FARP1: variants seen among roughly 807,000 people sequenced by gnomAD.
FARP1 encodes the protein FERM, ARHGEF and pleckstrin domain-containing protein 1.
Under a neutral mutation model 128.8 loss-of-function variants are expected in FARP1, and 52 were observed. That is an observed-to-expected ratio of 0.40 (90% confidence interval 0.32 to 0.51). The LOEUF is 0.51. Ranked by LOEUF, FARP1 falls within the 20% of genes least tolerant of loss-of-function variation. The pLI, the probability that FARP1 is intolerant of heterozygous loss-of-function variation, is 0.45. For missense variants in FARP1, 1,333 were observed against 1,367.9 expected (o/e 0.97, Z 0.40); for synonymous variants, 580 against 551.8 (o/e 1.05, Z -0.72).
rs139022131 is a variant in FARP1 at position 98,444,694 on chromosome 13, G to A, written c.2797-1404G>A. On this transcript the variant is annotated intron_variant, in intron 24 of 26. Transcript: ENST00000319562. ...TATTGGAATGGCCAGGCAGAAGCTA[G>A]AGAGCGCTAAGGAAGCTGCTTTGGA... Among the ~76,000 whole-genome samples, 185 of 152,350 alleles carry A rather than the reference G, an allele frequency of 1.2e-3. 1 individual carries two copies. Among genetic ancestry groups the A allele is most frequent in the African/African-American group, 4.3e-3 (180 of 41,572 alleles).
Position 98,417,455 on chromosome 13 carries a change from G to GGGAAAAAAAAAAAAAAAA in FARP1, c.1826+5421_1826+5422insGGAAAAAAAAAAAAAAAA, listed in dbSNP as rs1491453247. 4.6e-4 allele frequency among the ~76,000 whole-genome samples: 27 copies of GGGAAAAAAAAAAAAAAAA among 58,480 alleles called. 1 individual carries two copies. Among genetic ancestry groups the GGGAAAAAAAAAAAAAAAA allele is most frequent in the African/African-American group, 9.2e-4 (16 of 17,468 alleles). 38.4% of individuals were successfully genotyped at this position (58,480 alleles called of 152,430 possible). ...AGGAAACAGAGGCCACCAGAGGTTTGAAAAAAAAAAAAAAAAAAAAAAAAA... is the reference window on the plus strand; with the variant it reads ...AGGAAACAGAGGCCACCAGAGGTTTGGGAAAAAAAAAAAAAAAAAAAAAAAAAAAAAAAAAAAAAAAAA... On this transcript the variant is annotated intron_variant, in intron 16 of 26. Coordinates refer to ENST00000319562, the MANE Select transcript of FARP1 (RefSeq NM_005766.4).
At chr13:98,420,801 C>G in intron 16 of FARP1, among the ~76,000 whole-genome samples, 1 of 152,138 alleles carries the variant, frequency 6.6e-6, no homozygotes, top group East Asian at 1.9e-4. Context: ...TTTTCATGTT[C>G]TTGATAATAC....
intron 2 of FARP1, among the ~76,000 whole-genome samples, chr13:98,308,401 C>T (rs958182309): frequency 2.6e-5 from 4 of 152,000 alleles, no homozygotes; most frequent in African/African-American, 4.8e-5. Context: ...GACTGACAAA[C>T]GTGGTACCCC....
At chr13:98,173,808 G>C (rs1405482286) in intron 1 of FARP1, among the ~76,000 whole-genome samples, 1 of 152,196 alleles carries the variant, frequency 6.6e-6, no homozygotes, top group Admixed American at 6.5e-5. Context: ...GGTAACCACG[G>C]TGCTAACTTT....
intron 2 of FARP1, among the ~76,000 whole-genome samples, chr13:98,230,571 A>G (rs2139401525): frequency 6.6e-6 from 1 of 152,318 alleles, no homozygotes; most frequent in African/African-American, 2.4e-5. Context: ...GCAGCTCACC[A>G]TGGTCAAAGA....
intron 16 of FARP1, among the ~76,000 whole-genome samples, chr13:98,422,679 G>T (rs745953532): frequency 7.2e-5 from 11 of 152,158 alleles, no homozygotes; most frequent in Admixed American, 1.3e-4. Flanking sequence ...TTCTACTCAC[G>T]ATGACTTTTC....
intron 13 of FARP1, chr13:98,395,732 C>A: frequency 2.3e-6 from 1 of 427,870 alleles, no homozygotes; most frequent in South Asian, 8.7e-5. Context: ...CGGCCTCCTT[C>A]CGGAGAATTC....
rs1441563501 is a variant in FARP1, at chr13:98,440,168, C to A, written c.2562C>A (p.Ala854=). ...AGTGGGTTGAGGACATCCAGATGGC[C>A]ATTGACCTGGCGGAGAAGAGCAGCA... ...MEKWVEDIQM[A]IDLAEKSSSP... Residue 854 remains alanine, a synonymous_variant, in exon 23 of 27, where the codon GCC becomes GCA. Transcript: ENST00000319562. 6.2e-7 allele frequency: 1 copy of A among 1,614,078 alleles called. No individual in the cohort carries two copies. Among genetic ancestry groups the A allele is most frequent in the Admixed American group, 1.7e-5 (1 of 60,026 alleles).
At chr13:98,278,459 G>A (rs1884777406) in intron 2 of FARP1, among the ~76,000 whole-genome samples, 1 of 152,100 alleles carries the variant, frequency 6.6e-6, no homozygotes. Context: ...AGACAGTGTT[G>A]CAAGTGTGTG....
chr13:98,197,366 T>C (rs1008434912), intron 1 of FARP1, among the ~76,000 whole-genome samples: 6 of 151,910 alleles, frequency 3.9e-5, no homozygotes, highest in Non-Finnish European at 8.8e-5. Context: ...CTCGGGAGGC[T>C]GAGGCAGGAG....
At chr13:98,183,354 T>C (rs957872361) in intron 1 of FARP1, among the ~76,000 whole-genome samples, 3 of 152,204 alleles carry the variant, frequency 2.0e-5, no homozygotes, top group African/African-American at 4.8e-5. Flanking sequence ...CTGTCAGTTC[T>C]TTGGAACTTC....
chr13:98,312,135 C>CCTTTTTT (rs1886488751), intron 2 of FARP1, among the ~76,000 whole-genome samples: 2 of 86,120 alleles, frequency 2.3e-5, no homozygotes, highest in Non-Finnish European at 4.1e-5. Flanking sequence ...GTGGTAACTG[C>CCTTTTTT]TTTTTTTTTT....
intron 2 of FARP1, among the ~76,000 whole-genome samples, chr13:98,230,731 CAA>C (rs1288014104): frequency 1.3e-5 from 2 of 152,080 alleles, no homozygotes; most frequent in Admixed American, 1.3e-4. Flanking sequence ...TAACGAGTCT[CAA>C]AGAGGAAGGA....
intron 2 of FARP1, among the ~76,000 whole-genome samples, chr13:98,310,459 C>T (rs7334673): frequency 0.03 from 4,596 of 152,268 alleles, 198 homozygotes; most frequent in African/African-American, 0.095. Flanking sequence ...GCCCAGAGCA[C>T]ATTAGATTGA....
intron 5 of FARP1, among the ~76,000 whole-genome samples, chr13:98,368,709 A>G (rs1275241935): frequency 1.3e-5 from 2 of 152,240 alleles, no homozygotes; most frequent in East Asian, 3.9e-4. Context: ...TACTTCCCCT[A>G]TTACAGTGTG....
At chr13:98,372,071 C>T (rs1241352761) in intron 5 of FARP1, among the ~76,000 whole-genome samples, 1 of 147,532 alleles carries the variant, frequency 6.8e-6, no homozygotes, top group African/African-American at 2.5e-5. Context: ...AAAAGATGAT[C>T]CCAGTTTTTC....
At chr13:98,181,143 G>A (rs1273490325) in intron 1 of FARP1, among the ~76,000 whole-genome samples, 2 of 151,898 alleles carry the variant, frequency 1.3e-5, no homozygotes, top group African/African-American at 2.4e-5. Context: ...GAGTATGGCC[G>A]TTTCATTGCA....
At chr13:98,197,869 T>C (rs1254241108) in intron 1 of FARP1, among the ~76,000 whole-genome samples, 2 of 151,976 alleles carry the variant, frequency 1.3e-5, no homozygotes, top group East Asian at 1.9e-4. Context: ...TCTCCTGACC[T>C]CGTGATCCGT....
chr13:98,260,158 G>A (rs1354008820), intron 2 of FARP1, among the ~76,000 whole-genome samples: 1 of 151,998 alleles, frequency 6.6e-6, no homozygotes, highest in Non-Finnish European at 1.5e-5. Flanking sequence ...ACACACACAC[G>A]CCCCTCGTCA....
Sources: gnomAD v4.1 joint callset for allele counts (sites outside exome capture counted in the v4.1 genomes callset) on GRCh38, gnomAD v4.1.1 for gene constraint, MANE v1.5 for transcripts, NCBI Gene and HGNC (gene_info 2026-07-23, HGNC 2026-07-21) for gene names.